Variants in C8A observed in about 807,000 individuals in gnomAD.
C8A encodes the protein complement C8 alpha chain, also known as complement component C8 alpha chain.
C8A carries 67 observed loss-of-function variants against 65.3 expected under a neutral mutation model. The ratio of observed to expected loss-of-function variants is 1.03; its 90% CI spans 0.84 to 1.26. The LOEUF (loss-of-function observed/expected upper bound fraction) is 1.26, where lower values mean the gene tolerates loss of function less well. C8A is among the 50% of genes most tolerant of loss of function. The probability of loss-of-function intolerance (pLI) is 0.00; values close to 1 mark genes in which losing one functional copy is unlikely to be tolerated. For synonymous variants in C8A, 290 were observed against 259.4 expected, an observed-to-expected ratio of 1.12 and a Z score of -1.13; for missense variants, 781 against 723.9, an observed-to-expected ratio of 1.08 and a Z score of -0.90.
intron 10 of C8A, among the ~76,000 whole-genome samples, chr1:56,914,632 A>G (rs1644536939): frequency 1.3e-5 from 2 of 152,132 alleles, no homozygotes; most frequent in African/African-American, 4.8e-5. Flanking sequence ...GCAGGATAGC[A>G]TAGCTCAGGT....
chr1:56,905,763 T>C (rs1644459649), intron 7 of C8A, among the ~76,000 whole-genome samples: 1 of 152,162 alleles, frequency 6.6e-6, no homozygotes, highest in Admixed American at 6.5e-5. Context: ...AAATACAAAC[T>C]CCCATTTACA....
chr1:56,905,526 G>A (rs1020762422), intron 7 of C8A, among the ~76,000 whole-genome samples: 1 of 152,150 alleles, frequency 6.6e-6, no homozygotes. Flanking sequence ...ACGCTAACAA[G>A]ACAATGGTGA....
chr1:56,898,894 G>A (rs954055156), intron 7 of C8A, among the ~76,000 whole-genome samples: 3 of 152,166 alleles, frequency 2.0e-5, no homozygotes, highest in South Asian at 2.1e-4. Context: ...GGACAATAAG[G>A]AGGGTAAGGT....
chr1:56,903,813 A>G (rs1465859599), intron 7 of C8A, among the ~76,000 whole-genome samples: 1 of 152,238 alleles, frequency 6.6e-6, no homozygotes, highest in African/African-American at 2.4e-5. Context: ...TCATAGAAAT[A>G]TACAATTAGA....
chr1:56,883,568 T>C lies in C8A; in HGVS notation c.742T>C (p.Phe248Leu). Residue 248 changes from phenylalanine (F) to leucine (L), a missense_variant, in exon 6 of 11, where the codon TTT becomes CTT. Transcript: ENST00000361249. Reference protein sequence around the residue: ...SKVKKDKSDSFGVTIGIGPAG... With the variant: ...SKVKKDKSDSLGVTIGIGPAG... ...AGTTAAAAAAGACAAGTCTGACTCA[T>C]TTGGAGTGACCATCGGCATAGGCCC... 8 of 1,613,994 alleles carry C rather than the reference T, an allele frequency of 5.0e-6. No individual in the cohort carries two copies. The highest frequency in any genetic ancestry group is 6.8e-6 in the Non-Finnish European group (8 of 1,179,948).
At chr1:56,875,696 GAGGT>G (rs772813348) in intron 3 of C8A, among the ~76,000 whole-genome samples, 3 of 152,170 alleles carry the variant, frequency 2.0e-5, no homozygotes, top group East Asian at 1.9e-4. Flanking sequence ...TTTTGGAAGA[GAGGT>G]AGGTGATGGG....
At chr1:56,891,944 C>G (rs1644349392) in intron 7 of C8A, among the ~76,000 whole-genome samples, 1 of 152,098 alleles carries the variant, frequency 6.6e-6, no homozygotes, top group Non-Finnish European at 1.5e-5. Context: ...TGTACAAGTC[C>G]TAGGCCTATT....
rs149818366 is a variant in C8A, at chr1:56,867,926, G to A, written c.171+224G>A. ...TGAGGCTGCAAAAGATGTATGTTAT[G>A]GCTCATAGGCAGAAAAGTCACTATC... On this transcript the variant is annotated intron_variant, in intron 2 of 10. Transcript: ENST00000361249. 2.8e-3 allele frequency among the ~76,000 whole-genome samples: 427 copies of A among 152,206 alleles called. 1 individual carries two copies. The highest frequency in any genetic ancestry group is 4.9e-3 in the Non-Finnish European group (333 of 68,008).
intron 7 of C8A, among the ~76,000 whole-genome samples, chr1:56,903,006 G>A (rs541593645): frequency 2.6e-5 from 4 of 152,164 alleles, no homozygotes; most frequent in Admixed American, 2.0e-4. Context: ...ACTGAGTGGG[G>A]AGTAATCTAA....
intron 7 of C8A, among the ~76,000 whole-genome samples, chr1:56,895,821 T>C (rs912845612): frequency 5.3e-5 from 8 of 152,010 alleles, no homozygotes; most frequent in Non-Finnish European, 1.2e-4. Flanking sequence ...ATGGTACATG[T>C]GCCTGTAGTC....
chr1:56,899,958 A>C (rs1644413986), intron 7 of C8A, among the ~76,000 whole-genome samples: 1 of 152,220 alleles, frequency 6.6e-6, no homozygotes, highest in Admixed American at 6.5e-5. Context: ...CAGCTCAGGT[A>C]GTCTCTGTTT....
intron 7 of C8A, among the ~76,000 whole-genome samples, chr1:56,902,505 G>A (rs895485352): frequency 4.6e-5 from 7 of 151,904 alleles, no homozygotes; most frequent in Non-Finnish European, 8.8e-5. Context: ...TTTTATTATG[G>A]TAAAAATACT....
chr1:56,917,539 T>C, intron 10 of C8A, 26 bp from the exon 11 acceptor site: 1 of 1,613,840 alleles, frequency 6.2e-7, no homozygotes, highest in Non-Finnish European at 8.5e-7. Context: ...GCTAACCTTC[T>C]CCTCCCTGGG....
At chr1:56,909,756 C>T (rs77467156) in intron 9 of C8A, among the ~76,000 whole-genome samples, 3,975 of 152,264 alleles carry the variant, frequency 0.026, 74 homozygotes, top group Non-Finnish European at 0.041. Context: ...CAAGTTACTT[C>T]CCTCACTGAG....
intron 10 of C8A, among the ~76,000 whole-genome samples, chr1:56,915,677 T>C (rs1352205615): frequency 2.6e-5 from 4 of 152,188 alleles, no homozygotes; most frequent in African/African-American, 9.6e-5. Context: ...TAAATGCTAT[T>C]ATGAGTCCCA....
chr1:56,917,314 A>C (rs1421559990), intron 10 of C8A, among the ~76,000 whole-genome samples: 1 of 152,238 alleles, frequency 6.6e-6, no homozygotes, highest in East Asian at 1.9e-4. Context: ...CAGAGCCCCC[A>C]GGGGCAATTA....
Position 56,854,818 on chromosome 1 carries a change from G to A in C8A, c.-84G>A, listed in dbSNP as rs1643957162. Reference sequence around the variant, plus strand: ...CATCAGATAGATCTTACAGGTCCCAGCCTGTAGACATCTTTTACTCCAATT... The same window carrying A: ...CATCAGATAGATCTTACAGGTCCCAACCTGTAGACATCTTTTACTCCAATT... On this transcript the variant is annotated 5_prime_UTR_variant, in exon 1 of 11. Coordinates refer to ENST00000361249, the MANE Select transcript of C8A (RefSeq NM_000562.3). 8.8e-7 allele frequency: 1 copy of A among 1,138,574 alleles called. No homozygotes were observed. The highest frequency in any genetic ancestry group is 1.3e-5 in the South Asian group (1 of 76,414). 70.5% of individuals were successfully genotyped at this position (1,138,574 alleles called of 1,614,324 possible). A position where few individuals can be genotyped will look rare whatever the true frequency, so the allele number is the denominator to read the frequency against.
At chr1:56,883,896 A>G (rs1249310089) in intron 6 of C8A, among the ~76,000 whole-genome samples, 3 of 148,284 alleles carry the variant, frequency 2.0e-5, no homozygotes, top group African/African-American at 7.4e-5. Flanking sequence ...TAAGACTAGG[A>G]CTCTTATCAC....
At chr1:56,863,648 A>C (rs539123361) in intron 1 of C8A, among the ~76,000 whole-genome samples, 49 of 152,108 alleles carry the variant, frequency 3.2e-4, no homozygotes, top group African/African-American at 1.2e-3. Flanking sequence ...ATGTTCCCCC[A>C]CTTCAAACTT....
Sources: allele counts gnomAD v4.1 joint callset (sites outside exome capture counted in the v4.1 genomes callset), GRCh38; gene constraint gnomAD v4.1.1; transcripts MANE v1.5; gene names NCBI Gene and HGNC (gene_info 2026-07-23, HGNC 2026-07-21).